ZFAND3: variants seen among roughly 807,000 people sequenced by gnomAD.
The protein encoded by ZFAND3 is AN1-type zinc finger protein 3.
Under a neutral mutation model 29.6 loss-of-function variants are expected in ZFAND3, and 10 were observed. That is an observed-to-expected ratio of 0.34 (90% CI 0.21 to 0.57). The LOEUF is 0.57. Among genes scored for constraint, ZFAND3 ranks in the 20% least tolerant of loss-of-function variants. The pLI, the probability that ZFAND3 is intolerant of heterozygous loss-of-function variation, is 0.86. For synonymous variants in ZFAND3, 128 were observed against 112.6 expected (o/e 1.14, Z -0.87); for missense variants, 230 against 304.5 (o/e 0.76, Z 1.82).
intron 3 of ZFAND3, 77 bp downstream of exon 3, chr6:38,061,852 C>A: frequency 1.3e-6 from 2 of 1,503,868 alleles, no homozygotes; most frequent in East Asian, 2.3e-5. Flanking sequence ...AATGCCTGAC[C>A]CCAGAAAAAA....
chr6:38,134,298 A>G (rs1765800674), intron 5 of ZFAND3, among the ~76,000 whole-genome samples: 4 of 152,118 alleles, frequency 2.6e-5, no homozygotes, highest in Admixed American at 2.6e-4. Flanking sequence ...CTCCTCCAAG[A>G]TCCCTTATTG....
intron 3 of ZFAND3, among the ~76,000 whole-genome samples, chr6:38,065,926 G>A (rs181056292): frequency 6.6e-6 from 1 of 152,320 alleles, no homozygotes; most frequent in Admixed American, 6.5e-5. Flanking sequence ...GTTAAGTGCT[G>A]AGTATAGAAA....
At chr6:37,865,389 A>G (rs1449564297) in intron 1 of ZFAND3, among the ~76,000 whole-genome samples, 1 of 152,208 alleles carries the variant, frequency 6.6e-6, no homozygotes, top group Admixed American at 6.5e-5. Flanking sequence ...GAATATTTTC[A>G]ATCTACAGTT....
intron 1 of ZFAND3, among the ~76,000 whole-genome samples, chr6:37,895,105 CT>C (rs1343973339): frequency 3.3e-5 from 5 of 152,006 alleles, no homozygotes; most frequent in African/African-American, 1.2e-4. Context: ...TTTTGCCTCC[CT>C]TCTACCTCTT....
chr6:38,013,187 T>G (rs746813306), intron 2 of ZFAND3, among the ~76,000 whole-genome samples: 1 of 152,156 alleles, frequency 6.6e-6, no homozygotes, highest in Non-Finnish European at 1.5e-5. Flanking sequence ...TATACAAAAT[T>G]TATGTCCTGT....
intron 1 of ZFAND3, among the ~76,000 whole-genome samples, chr6:37,836,956 G>A (rs1763979085): frequency 6.6e-6 from 1 of 151,966 alleles, no homozygotes; most frequent in African/African-American, 2.4e-5. Context: ...TCTGGACTTC[G>A]ATTCCTATAA....
At chr6:38,042,654 CATT>C (rs1763814086) in intron 2 of ZFAND3, among the ~76,000 whole-genome samples, 1 of 152,032 alleles carries the variant, frequency 6.6e-6, no homozygotes, top group Admixed American at 6.5e-5. Flanking sequence ...GAAATTTTGT[CATT>C]ATTGGCTCTC....
chr6:38,049,954 T>TA (rs1466452488), intron 2 of ZFAND3, among the ~76,000 whole-genome samples: 25 of 10,790 alleles, frequency 2.3e-3, no homozygotes, highest in Non-Finnish European at 0.02. Context: ...AATTTTTTTT[T>TA]TTTTTTTTTT....
chr6:37,853,179 AT>A, intron 1 of ZFAND3, among the ~76,000 whole-genome samples: 1 of 152,148 alleles, frequency 6.6e-6, no homozygotes, highest in Non-Finnish European at 1.5e-5. Flanking sequence ...GAGTTGATTC[AT>A]TCATCTGATT....
intron 3 of ZFAND3, among the ~76,000 whole-genome samples, chr6:38,074,989 T>TA (rs1437748758): frequency 6.6e-6 from 1 of 152,228 alleles, no homozygotes; most frequent in Non-Finnish European, 1.5e-5. Flanking sequence ...TGTATAGACC[T>TA]ACTGCTGAGA....
chr6:38,134,309 C>CAGTT (rs1765800785), intron 5 of ZFAND3, among the ~76,000 whole-genome samples: 1 of 152,194 alleles, frequency 6.6e-6, no homozygotes, highest in Non-Finnish European at 1.5e-5. Flanking sequence ...TCCCTTATTG[C>CAGTT]AGTTGACTTC....
At chr6:37,896,351 A>C (rs1490409475) in intron 1 of ZFAND3, among the ~76,000 whole-genome samples, 3 of 152,002 alleles carry the variant, frequency 2.0e-5, no homozygotes, top group African/African-American at 7.2e-5. Flanking sequence ...GTGGCCTATT[A>C]CATAAATGTT....
At position 38,001,845 on chromosome 6, in the gene ZFAND3, A is replaced by T. The variant is rs1461408606; in HGVS notation, c.113-59748A>T. ...AACTCCTTTGTCCCTAGGAGTAAAA[A>T]GTAGTTGCACACAAGAGAATTGAGT... On this transcript the variant is annotated intron_variant, in intron 2 of 5. Transcript: ENST00000287218. Among the ~76,000 whole-genome samples, 11 of 152,356 alleles carry T rather than the reference A, an allele frequency of 7.2e-5. No individual in the cohort carries two copies. In the South Asian group the frequency reaches 2.1e-3, roughly 29 times the overall value.
rs77862017 is a variant in ZFAND3 at position 37,942,664 on chromosome 6, C to T, written c.112+12665C>T. On this transcript the variant is annotated intron_variant, in intron 2 of 5. Coordinates refer to ENST00000287218, the MANE Select transcript of ZFAND3 (RefSeq NM_021943.3). ...ATTTTCAGATAATTGAATTTTGAGC[C>T]ATCAATGACTTAAGGCTATTTGGAA... Among the ~76,000 whole-genome samples the T allele has an allele frequency of 1.2e-4, 19 of 152,212 alleles. No individual in the cohort carries two copies. In the East Asian group the frequency reaches 3.7e-3, roughly 29 times the overall value.
intron 1 of ZFAND3, among the ~76,000 whole-genome samples, chr6:37,897,102 T>G (rs1421420829): frequency 6.6e-6 from 1 of 152,188 alleles, no homozygotes; most frequent in Non-Finnish European, 1.5e-5. Flanking sequence ...TACATGTATA[T>G]TTCTATCTAT....
intron 2 of ZFAND3, among the ~76,000 whole-genome samples, chr6:38,019,618 A>G (rs903157646): frequency 6.6e-6 from 1 of 152,174 alleles, no homozygotes; most frequent in African/African-American, 2.4e-5. Flanking sequence ...GTCCCTTAGA[A>G]AAATTTATGT....
intron 2 of ZFAND3, among the ~76,000 whole-genome samples, chr6:38,049,326 C>G (rs781446429): frequency 1.3e-5 from 2 of 152,196 alleles, no homozygotes; most frequent in Non-Finnish European, 2.9e-5. Context: ...ATATGTCAGG[C>G]ACCGTTCTAA....
intron 5 of ZFAND3, among the ~76,000 whole-genome samples, chr6:38,138,071 G>T (rs1039626720): frequency 6.6e-6 from 1 of 152,136 alleles, no homozygotes; most frequent in African/African-American, 2.4e-5. Context: ...TTAGCACTGG[G>T]GACGCGGAGG....
At chr6:37,998,166 T>C (rs1232889972) in intron 2 of ZFAND3, among the ~76,000 whole-genome samples, 1 of 152,188 alleles carries the variant, frequency 6.6e-6, no homozygotes, top group African/African-American at 2.4e-5. Context: ...CATGGATGAA[T>C]CTTAAATGCA....
Sources: allele counts gnomAD v4.1 joint callset (sites outside exome capture counted in the v4.1 genomes callset), GRCh38; gene constraint gnomAD v4.1.1; transcripts MANE v1.5; gene names NCBI Gene and HGNC (gene_info 2026-07-23, HGNC 2026-07-21).